The following IKBKB variants were observed in gnomAD, a reference collection of about 807,000 sequenced individuals.
The protein encoded by IKBKB is inhibitor of nuclear factor kappa-B kinase subunit beta.
Under a neutral mutation model 113.6 loss-of-function variants are expected in IKBKB, and 42 were observed. The ratio of observed to expected loss-of-function variants is 0.37; its 90% CI spans 0.29 to 0.48. IKBKB has a LOEUF of 0.48. Among genes scored for constraint, IKBKB ranks in the 20% least tolerant of loss-of-function variants. IKBKB has a pLI of 0.99. For missense variants in IKBKB, 673 were observed against 939.7 expected, an observed-to-expected ratio of 0.72 and a Z score of 3.71; for synonymous variants, 296 against 361.3, an observed-to-expected ratio of 0.82 and a Z score of 2.05.
intron 21 of IKBKB, 74 bp downstream of exon 21, chr8:42,329,288 T>C: frequency 6.7e-7 from 1 of 1,495,558 alleles, no homozygotes; most frequent in Non-Finnish European, 8.9e-7. Flanking sequence ...AAAATGGAAA[T>C]GCAATCTGGC....
chr8:42,325,675 A>G (rs932316261), intron 19 of IKBKB: 180 of 1,148,354 alleles, frequency 1.6e-4, no homozygotes, highest in Non-Finnish European at 1.9e-4. Flanking sequence ...AAGACTCTCA[A>G]TCATAATCAA....
intron 19 of IKBKB, chr8:42,325,678 A>G (rs1820602882): frequency 8.7e-7 from 1 of 1,153,248 alleles, no homozygotes; most frequent in South Asian, 2.1e-5. Flanking sequence ...ACTCTCAATC[A>G]TAATCAATCA....
chr8:42,310,359 C>CTGTCTTCCAAGAATGTTTTCA (rs1433222686), intron 8 of IKBKB, among the ~76,000 whole-genome samples: 2 of 152,194 alleles, frequency 1.3e-5, no homozygotes, highest in African/African-American at 4.8e-5. Context: ...CAGGCACCTG[C>CTGTCTTCCAAGAATGTTTTCA]TGTCTTCCAA....
chr8:42,327,721 C>T (rs1228847490), intron 20 of IKBKB, among the ~76,000 whole-genome samples: 1 of 150,976 alleles, frequency 6.6e-6, no homozygotes, highest in Non-Finnish European at 1.5e-5. Context: ...CAAACTCAGC[C>T]TCCTGGGTTC....
chr8:42,272,173 G>A lies in IKBKB; in HGVS notation c.73G>A (p.Gly25Arg). 1.2e-6 allele frequency: 2 copies of A among 1,614,172 alleles called. No homozygotes were observed. The highest frequency in any genetic ancestry group is 1.7e-6 in the Non-Finnish European group (2 of 1,180,046). ...AATGAAAGAGCGCCTTGGGACAGGGGGATTTGGAAATGTCATCCGATGGCA... is the reference window on the plus strand; with the variant it reads ...AATGAAAGAGCGCCTTGGGACAGGGAGATTTGGAAATGTCATCCGATGGCA... Reference protein sequence around the residue: ...WEMKERLGTGGFGNVIRWHNQ... With the variant: ...WEMKERLGTGRFGNVIRWHNQ... Residue 25 changes from glycine to arginine, a missense_variant, in exon 2 of 22, where the codon GGA becomes AGA. Gly to Arg is a moderately radical substitution (Grantham distance 125). Transcript: ENST00000520810.
intron 2 of IKBKB, among the ~76,000 whole-genome samples, chr8:42,279,519 A>G (rs1809897420): frequency 6.6e-6 from 1 of 152,228 alleles, no homozygotes; most frequent in Admixed American, 6.5e-5. Flanking sequence ...AGAACCTGCT[A>G]TGCGCCAGCA....
intron 5 of IKBKB, among the ~76,000 whole-genome samples, chr8:42,299,421 G>A (rs927468069): frequency 3.9e-5 from 6 of 152,060 alleles, no homozygotes; most frequent in South Asian, 2.1e-4. Flanking sequence ...CCCCTTCGCC[G>A]TACCTTTCTC....
At chr8:42,279,004 AAAAG>A (rs762706259) in intron 2 of IKBKB, among the ~76,000 whole-genome samples, 20 of 152,148 alleles carry the variant, frequency 1.3e-4, no homozygotes, top group Non-Finnish European at 1.0e-4. Context: ...GAGAAAAAAA[AAAAG>A]AGAGAGAGAG....
chr8:42,308,002 C>G (rs564955565), intron 7 of IKBKB, among the ~76,000 whole-genome samples: 1 of 152,362 alleles, frequency 6.6e-6, no homozygotes, highest in East Asian at 1.9e-4. Flanking sequence ...GCTGCCGCCC[C>G]TTCTTCGGTC....
At chr8:42,314,538 G>C in intron 9 of IKBKB, 109 bp downstream of exon 9, 1 of 752,146 alleles carries the variant, frequency 1.3e-6, no homozygotes, top group Non-Finnish European at 2.4e-6. Context: ...AGTTTGGGAG[G>C]CTGAGGCAGG....
chr8:42,290,831 T>G (rs1227480829), intron 4 of IKBKB, among the ~76,000 whole-genome samples: 2 of 152,170 alleles, frequency 1.3e-5, no homozygotes, highest in African/African-American at 4.8e-5. Flanking sequence ...TTCTCCACCT[T>G]CTCACCACAC....
At chr8:42,296,800 C>T (rs757352228) in intron 5 of IKBKB, among the ~76,000 whole-genome samples, 8 of 152,042 alleles carry the variant, frequency 5.3e-5, no homozygotes, top group Admixed American at 5.2e-4. Context: ...GCAGTGTGAC[C>T]GTGGGCACGT....
chr8:42,322,805 A>G (rs1417559493), intron 19 of IKBKB, among the ~76,000 whole-genome samples: 3 of 152,142 alleles, frequency 2.0e-5, no homozygotes, highest in Non-Finnish European at 2.9e-5. Context: ...AACGCCAGCA[A>G]TTTGGGGAGG....
rs112757645 is a variant in IKBKB, at chr8:42,283,159, G to C, written c.106-5475G>C. Among the ~76,000 whole-genome samples the C allele has an allele frequency of 4.3e-4, 65 of 152,338 alleles. 2 individuals are homozygous for C. The highest frequency in any genetic ancestry group is 1.4e-3 in the African/African-American group (58 of 41,580). ...AAGTGACAGCTGTGTATCAGGTCCA[G>C]TGTTTGTGTTGGGCAAAAGACTGCA... is the stretch of plus-strand genomic sequence containing the variant. On this transcript the variant is annotated intron_variant, in intron 2 of 21. Coordinates refer to ENST00000520810, the MANE Select transcript of IKBKB (RefSeq NM_001556.3).
chr8:42,307,943 T>TTG (rs1816866057), intron 7 of IKBKB, among the ~76,000 whole-genome samples: 1 of 152,218 alleles, frequency 6.6e-6, no homozygotes, highest in African/African-American at 2.4e-5. Flanking sequence ...CCCAGTCATT[T>TTG]CTGTCTCCAC....
Position 42,319,285 on chromosome 8 carries a change from A to T in IKBKB, c.1380A>T (p.Arg460=). Reference sequence around the variant, plus strand: ...GTCCCTGCAGGATGAATCTCCTCCGAAACAACAGCTGCCTCTCCAAAATGA... The same window carrying T: ...GTCCCTGCAGGATGAATCTCCTCCGTAACAACAGCTGCCTCTCCAAAATGA... ...GQRAAMMNLL[R]NNSCLSKMKN... The change falls in exon 14 of 22, where the codon CGA becomes CGT. Residue 460 remains arginine (R), a synonymous_variant. Coordinates refer to ENST00000520810, the MANE Select transcript of IKBKB (RefSeq NM_001556.3). The T allele has an allele frequency of 6.2e-7, 1 of 1,614,132 alleles. No individual in the cohort carries two copies. The highest frequency in any genetic ancestry group is 8.5e-7 in the Non-Finnish European group (1 of 1,180,008).
intron 2 of IKBKB, among the ~76,000 whole-genome samples, chr8:42,274,572 G>A (rs1276674033): frequency 3.4e-5 from 5 of 149,060 alleles, no homozygotes; most frequent in African/African-American, 5.0e-5. Flanking sequence ...TGCTCTTGTC[G>A]CCCAGGCTGG....
At chr8:42,324,298 T>C (rs1212470308) in intron 19 of IKBKB, among the ~76,000 whole-genome samples, 1 of 152,122 alleles carries the variant, frequency 6.6e-6, no homozygotes, top group African/African-American at 2.4e-5. Flanking sequence ...AAAGTCTCGC[T>C]CTGTCCCTTA....
At chr8:42,317,154 A>T (rs1314988617) in intron 11 of IKBKB, 4 of 531,144 alleles carry the variant, frequency 7.5e-6, no homozygotes, top group Non-Finnish European at 1.0e-5. Flanking sequence ...GCAAAAAATG[A>T]TGCTATAACA....
Sources: gnomAD v4.1 joint callset for allele counts (sites outside exome capture counted in the v4.1 genomes callset) on GRCh38, gnomAD v4.1.1 for gene constraint, MANE v1.5 for transcripts, NCBI Gene and HGNC (gene_info 2026-07-23, HGNC 2026-07-21) for gene names.